SMYD2: variants seen among roughly 807,000 people sequenced by gnomAD.
SMYD2 encodes the protein SET and MYND domain containing 2.
Under a neutral mutation model 59.1 loss-of-function variants are expected in SMYD2, and 53 were observed. The observed-to-expected ratio is 0.90, with a 90% CI of 0.72 to 1.13. The LOEUF is 1.13. Among genes scored for constraint, SMYD2 ranks in the 50% most tolerant of loss-of-function variants. SMYD2 has a pLI of 0.00. For missense variants in SMYD2, 494 were observed against 544.7 expected, an observed-to-expected ratio of 0.91 and a Z score of 0.93; for synonymous variants, 208 against 198.8, an observed-to-expected ratio of 1.05 and a Z score of -0.39.
chr1:214,315,592 C>G (rs1381905425), intron 3 of SMYD2, among the ~76,000 whole-genome samples: 2 of 152,130 alleles, frequency 1.3e-5, no homozygotes, highest in East Asian at 3.9e-4. Flanking sequence ...AAGAAAGAAG[C>G]TGACAAATCC....
chr1:214,318,259 C>A lies in SMYD2; in HGVS notation c.409+120C>A. 2 of 901,552 alleles carry A rather than the reference C, an allele frequency of 2.2e-6. No homozygotes were observed. The highest frequency in any genetic ancestry group is 3.4e-6 in the Non-Finnish European group (2 of 593,916). 55.8% of individuals were successfully genotyped at this position (901,552 alleles called of 1,614,324 possible). A position where few individuals can be genotyped will look rare whatever the true frequency, so the allele number is the denominator to read the frequency against. On this transcript the variant is annotated intron_variant, in intron 4 of 11. Transcript: ENST00000366957. The surrounding 1 kb of genome is among the most constrained non-coding windows in gnomAD (Gnocchi z 5.4). Reference sequence around the variant, plus strand: ...AGAGGAGTAGTGATTTCTTTGATTACTAGTTTTTATTTTTACTCTTGTGCT... The same window carrying A: ...AGAGGAGTAGTGATTTCTTTGATTAATAGTTTTTATTTTTACTCTTGTGCT...
rs1657020600 is a variant in SMYD2 at position 214,312,920 on chromosome 1, CAGA to C, written c.238-1839_238-1837del. Among the ~76,000 whole-genome samples the C allele has an allele frequency of 6.6e-6, 1 of 152,190 alleles. No individual in the cohort carries two copies. Among genetic ancestry groups the C allele is most frequent in the South Asian group, 2.1e-4 (1 of 4,826 alleles). On this transcript the variant is annotated intron_variant, in intron 2 of 11. Transcript: ENST00000366957. The surrounding 1 kb of genome is among the most constrained non-coding windows in gnomAD (Gnocchi z 4.1). The stretch of plus-strand genomic sequence containing the variant: ...GGAACCTAGTCCATGGGAGCAAGGA[CAGA>C]AGCGGGCATCCAGTTAGAAGGCAGT...
chr1:214,282,294 A>G (rs966592753), intron 1 of SMYD2, among the ~76,000 whole-genome samples: 3 of 152,242 alleles, frequency 2.0e-5, no homozygotes, highest in Non-Finnish European at 4.4e-5. Flanking sequence ...ACTAAAGCCC[A>G]GAGAGAAAGT....
chr1:214,329,163 G>A (rs1447189513), intron 7 of SMYD2, among the ~76,000 whole-genome samples: 1 of 152,158 alleles, frequency 6.6e-6, no homozygotes, highest in African/African-American at 2.4e-5. Flanking sequence ...TCATTTTTGG[G>A]AAGTCAGTGC....
intron 1 of SMYD2, among the ~76,000 whole-genome samples, chr1:214,298,806 C>T (rs1056332843): frequency 4.6e-5 from 7 of 152,198 alleles, no homozygotes; most frequent in Non-Finnish European, 7.3e-5. Flanking sequence ...ATCAAAACCA[C>T]GATGAGAAAC....
rs1657017079 is a variant in SMYD2, at chr1:214,312,734, G to C, written c.238-2028G>C. Among the ~76,000 whole-genome samples, 1 of 152,226 alleles carries C rather than the reference G, an allele frequency of 6.6e-6. No homozygotes were observed. Among genetic ancestry groups the C allele is most frequent in the South Asian group, 2.1e-4 (1 of 4,828 alleles). ...TGAGGCAGGTGAGAGTACGGTGGGG[G>C]ATGATGGGCTGGGGTGGTGCAGGGA... On this transcript the variant is annotated intron_variant, in intron 2 of 11. Coordinates refer to ENST00000366957, the MANE Select transcript of SMYD2 (RefSeq NM_020197.3). The surrounding 1 kb of genome is among the most constrained non-coding windows in gnomAD (Gnocchi z 4.1).
intron 5 of SMYD2, among the ~76,000 whole-genome samples, chr1:214,320,559 G>A (rs1012392813): frequency 2.6e-5 from 4 of 152,192 alleles, no homozygotes; most frequent in East Asian, 1.9e-4. Flanking sequence ...CCAAGAGTTC[G>A]AGGCTGCAGT....
intron 7 of SMYD2, among the ~76,000 whole-genome samples, chr1:214,329,554 C>T (rs1558057801): frequency 2.0e-5 from 3 of 152,200 alleles, no homozygotes; most frequent in Non-Finnish European, 4.4e-5. Flanking sequence ...TTTCCAAGCT[C>T]GCTGCCCTGC....
chr1:214,289,695 C>T (rs962300742), intron 1 of SMYD2, among the ~76,000 whole-genome samples: 1 of 152,200 alleles, frequency 6.6e-6, no homozygotes, highest in Admixed American at 6.5e-5. Context: ...GAACAAGGCA[C>T]CCTGATTTTA....
In SMYD2 at chr1:214,330,952, T is replaced by C; in HGVS notation, c.819T>C (p.Asp273=). The change falls in exon 9 of 12, where the codon GAT becomes GAC. Residue 273 remains aspartate, a splice_region_variant and synonymous_variant. Coordinates refer to ENST00000366957, the MANE Select transcript of SMYD2 (RefSeq NM_020197.3). ...ECQECTTKDK[D]KAKVEIRKLS... is the part of the protein sequence containing the mutation. ...GCCCTTGTGGACGTTTCCTTCAGGATAAGGCCAAGGTGGAAATCCGGAAGC... is the reference window on the plus strand; with the variant it reads ...GCCCTTGTGGACGTTTCCTTCAGGACAAGGCCAAGGTGGAAATCCGGAAGC... 6.2e-7 allele frequency: 1 copy of C among 1,614,100 alleles called. No homozygotes were observed. The highest frequency in any genetic ancestry group is 1.1e-5 in the South Asian group (1 of 91,078).
intron 1 of SMYD2, among the ~76,000 whole-genome samples, chr1:214,291,010 T>C (rs1392735393): frequency 6.6e-6 from 1 of 152,208 alleles, no homozygotes; most frequent in East Asian, 1.9e-4. Context: ...AGTGATAGCC[T>C]CATATGCTCT....
In SMYD2 at chr1:214,330,282, A is replaced by G; in HGVS notation, c.816+4A>G. 1.9e-6 allele frequency: 3 copies of G among 1,598,676 alleles called. No individual in the cohort carries two copies. The highest frequency in any genetic ancestry group is 2.6e-6 in the Non-Finnish European group (3 of 1,168,238). ...GGAGTGTACCACCAAGGACAAGGTA[A>G]GGTTGTTCATTGGGCAAGAGCGCTG... On this transcript the variant is annotated splice_donor_region_variant and intron_variant, in intron 8 of 11. Transcript: ENST00000366957.
At chr1:214,294,079 A>G (rs902859894) in intron 1 of SMYD2, among the ~76,000 whole-genome samples, 2 of 152,104 alleles carry the variant, frequency 1.3e-5, no homozygotes, top group Non-Finnish European at 2.9e-5. Flanking sequence ...TTACTTAGCT[A>G]TGATAGATTA....
intron 1 of SMYD2, among the ~76,000 whole-genome samples, chr1:214,298,421 TTAAATG>T (rs1168742959): frequency 6.6e-6 from 1 of 152,176 alleles, no homozygotes; most frequent in Non-Finnish European, 1.5e-5. Context: ...GATTAAATAT[TTAAATG>T]TAAGACCTCA....
chr1:214,325,497 G>A (rs1323089891), intron 6 of SMYD2, among the ~76,000 whole-genome samples: 2 of 152,204 alleles, frequency 1.3e-5, no homozygotes, highest in African/African-American at 4.8e-5. Flanking sequence ...ATATACTGCA[G>A]GGGCCTTTGC....
At chr1:214,295,303 C>T (rs1467023736) in intron 1 of SMYD2, among the ~76,000 whole-genome samples, 2 of 152,108 alleles carry the variant, frequency 1.3e-5, no homozygotes, top group Non-Finnish European at 2.9e-5. Flanking sequence ...AGAGGAGCTT[C>T]GGATATAGGT....
rs746603766 is a variant in SMYD2, at chr1:214,324,755, CTAATT to C, written c.602+49_602+53del. The C allele has an allele frequency of 4.6e-6, 7 of 1,530,360 alleles. No homozygotes were observed. In the South Asian group the frequency reaches 8.4e-5, roughly 18 times the overall value. 94.8% of individuals were successfully genotyped at this position (1,530,360 alleles called of 1,614,324 possible). A position where few individuals can be genotyped will look rare whatever the true frequency, so the allele number is the denominator to read the frequency against. ...TTCTTTCCTTTTTACTTACTTAACA[CTAATT>C]TGATTTTTTTTTCATTTTTAAATAA... is the stretch of plus-strand genomic sequence containing the variant. On this transcript the variant is annotated intron_variant, in intron 6 of 11. Coordinates refer to ENST00000366957, the MANE Select transcript of SMYD2 (RefSeq NM_020197.3).
At chr1:214,327,571 A>G (rs1171372920) in intron 6 of SMYD2, 51 bp from the exon 7 acceptor site, 4 of 1,455,842 alleles carry the variant, frequency 2.7e-6, no homozygotes, top group Admixed American at 3.3e-5. Context: ...AGGAAGCTAA[A>G]CAGTCTGCCT....
intron 1 of SMYD2, among the ~76,000 whole-genome samples, chr1:214,290,245 T>TA (rs1195284925): frequency 1.3e-5 from 2 of 152,208 alleles, no homozygotes; most frequent in African/African-American, 4.8e-5. Context: ...GGAAACAACT[T>TA]ATCTTTCTAG....
Sources: gnomAD v4.1 joint callset for allele counts (sites outside exome capture counted in the v4.1 genomes callset) on GRCh38, gnomAD v4.1.1 for gene constraint, Gnocchi (gnomAD v3.1) non-coding constraint, MANE v1.5 for transcripts, NCBI Gene and HGNC (gene_info 2026-07-23, HGNC 2026-07-21) for gene names.